The following WNT7A variants were observed in gnomAD, a reference collection of about 807,000 sequenced individuals.
WNT7A encodes the protein Wnt family member 7A.
A neutral mutation model predicts 28.2 loss-of-function variants in WNT7A; 16 were observed. That is an observed-to-expected ratio of 0.57 (90% CI 0.38 to 0.86). The LOEUF is 0.86. Ranked by LOEUF, WNT7A falls within the 40% of genes least tolerant of loss-of-function variation. WNT7A has a pLI of 0.00. For missense variants in WNT7A, 411 were observed against 489.7 expected (o/e 0.84, Z 1.52); for synonymous variants, 190 against 195.9 (o/e 0.97, Z 0.25).
chr3:13,871,102 C>A (rs561515371), intron 2 of WNT7A, among the ~76,000 whole-genome samples: 2 of 152,330 alleles, frequency 1.3e-5, no homozygotes, highest in South Asian at 4.2e-4. Flanking sequence ...GCTTCCCTTG[C>A]AGCTAGATGT....
chr3:13,875,746 T>C (rs1258833283), intron 1 of WNT7A, among the ~76,000 whole-genome samples: 1 of 152,208 alleles, frequency 6.6e-6, no homozygotes, highest in Non-Finnish European at 1.5e-5. Context: ...TAATTGTAAG[T>C]AGAAGTCCTG....
chr3:13,873,568 A>G (rs986384442), intron 2 of WNT7A, among the ~76,000 whole-genome samples: 3 of 152,186 alleles, frequency 2.0e-5, no homozygotes, highest in African/African-American at 7.2e-5. Flanking sequence ...AGGGATGGGT[A>G]AGGCTGTGCT....
At position 13,816,828 on chromosome 3, in the gene WNT7A, T is replaced by G. The variant is rs1694012107; in HGVS notation, c.*2116A>C. The G allele has an allele frequency of 6.6e-6, 1 of 152,148 alleles. No individual in the cohort carries two copies. Among genetic ancestry groups the G allele is most frequent in the Non-Finnish European group, 1.5e-5 (1 of 68,034 alleles). 9.4% of individuals were successfully genotyped at this position (152,148 alleles called of 1,614,324 possible). On this transcript the variant is annotated 3_prime_UTR_variant, in exon 4 of 4. Coordinates refer to ENST00000285018, the MANE Select transcript of WNT7A (RefSeq NM_004625.4). Reference sequence around the variant, plus strand: ...ATCCATTCACCCACCCACCTACTTATCCATCCACACATCTACCCATTCACC... The same window carrying G: ...ATCCATTCACCCACCCACCTACTTAGCCATCCACACATCTACCCATTCACC...
chr3:13,870,424 C>G (rs187183542), intron 2 of WNT7A, among the ~76,000 whole-genome samples: 56 of 152,290 alleles, frequency 3.7e-4, no homozygotes, highest in African/African-American at 1.3e-3. Context: ...GGATGGCAGA[C>G]GTCCAGCTTC....
chr3:13,862,471 A>C (rs1694846304), intron 2 of WNT7A, among the ~76,000 whole-genome samples: 1 of 152,248 alleles, frequency 6.6e-6, no homozygotes, highest in Non-Finnish European at 1.5e-5. Context: ...TGGGTCAGAG[A>C]GCAAGCAATC....
At position 13,846,971 on chromosome 3, in the gene WNT7A, G is replaced by A. The variant is rs537458170; in HGVS notation, c.570+7561C>T. On this transcript the variant is annotated intron_variant, in intron 3 of 3. Transcript: ENST00000285018. ...CAGGCTGCATGAAGCTGGGGTCACA[G>A]ACGTTTCCAGTCTCTGTGGGAAGGG... Among the ~76,000 whole-genome samples the A allele has an allele frequency of 1.6e-4, 24 of 152,310 alleles. No individual in the cohort carries two copies. The East Asian group carries it at 4.4e-3, about 28-fold the overall frequency.
At chr3:13,844,589 G>A (rs970591615) in intron 3 of WNT7A, among the ~76,000 whole-genome samples, 2 of 152,162 alleles carry the variant, frequency 1.3e-5, no homozygotes, top group African/African-American at 2.4e-5. Context: ...CCAATCAAAC[G>A]GAGTAACCCC....
intron 2 of WNT7A, among the ~76,000 whole-genome samples, chr3:13,856,930 A>G (rs527607046): frequency 2.9e-4 from 32 of 111,340 alleles, no homozygotes; most frequent in African/African-American, 1.1e-3. Context: ...GAAGAAGAAG[A>G]AGAAGAAGAA....
intron 3 of WNT7A, among the ~76,000 whole-genome samples, chr3:13,846,616 C>T (rs928310817): frequency 6.6e-6 from 1 of 152,164 alleles, no homozygotes; most frequent in Non-Finnish European, 1.5e-5. Flanking sequence ...TGAAAACCTT[C>T]CCTCCACCTG....
At chr3:13,875,663 GT>G (rs1195162503) in intron 1 of WNT7A, among the ~76,000 whole-genome samples, 4 of 152,120 alleles carry the variant, frequency 2.6e-5, no homozygotes, top group African/African-American at 9.6e-5. Context: ...AAAAAAATCT[GT>G]TTTTTAATGT....
intron 2 of WNT7A, among the ~76,000 whole-genome samples, chr3:13,868,739 G>GAAAGAA: frequency 2.3e-5 from 2 of 87,790 alleles, no homozygotes; most frequent in Non-Finnish European, 2.4e-5. Flanking sequence ...AAAGAAAGAA[G>GAAAGAA]AGAAAGAAAG....
chr3:13,870,859 A>G (rs1342125041), intron 2 of WNT7A, among the ~76,000 whole-genome samples: 1 of 152,212 alleles, frequency 6.6e-6, no homozygotes, highest in Non-Finnish European at 1.5e-5. Context: ...CTGGCTCTCC[A>G]GTTCCTTAGG....
rs1695034973 is a variant in WNT7A at position 13,872,086 on chromosome 3, C to T, written c.298+2861G>A. Among the ~76,000 whole-genome samples the T allele has an allele frequency of 2.0e-5, 3 of 152,178 alleles. No homozygotes were observed. The South Asian group carries it at 6.2e-4, about 32-fold the overall frequency. ...ACATGCCCATAGCTCACCTCCCTCA[C>T]AAATCCAGAGCCATTCCCTGGACAC... On this transcript the variant is annotated intron_variant, in intron 2 of 3. Coordinates refer to ENST00000285018, the MANE Select transcript of WNT7A (RefSeq NM_004625.4).
rs1467955996 is a variant in WNT7A at position 13,818,293 on chromosome 3, G to GA, written c.*650dup. On this transcript the variant is annotated 3_prime_UTR_variant, in exon 4 of 4. Transcript: ENST00000285018. ...GCAAAAGGATGGAAAACATACTCTGGAAAAAACGTCTCCAAATCTGGACCA... is the reference window on the plus strand; with the variant it reads ...GCAAAAGGATGGAAAACATACTCTGGAAAAAAACGTCTCCAAATCTGGACCA... The GA allele has an allele frequency of 1.5e-5, 2 of 133,648 alleles. No individual in the cohort carries two copies. Among genetic ancestry groups the GA allele is most frequent in the African/African-American group, 2.9e-5 (1 of 34,946 alleles). 8.3% of individuals were successfully genotyped at this position (133,648 alleles called of 1,614,324 possible). A position where few individuals can be genotyped will look rare whatever the true frequency, so the allele number is the denominator to read the frequency against.
intron 3 of WNT7A, among the ~76,000 whole-genome samples, chr3:13,824,889 C>G (rs1415705038): frequency 5.3e-5 from 8 of 152,174 alleles, no homozygotes; most frequent in Non-Finnish European, 8.8e-5. Flanking sequence ...GAAGATCCAC[C>G]AGTGGGGACT....
chr3:13,847,323 C>A (rs1343107819), intron 3 of WNT7A, among the ~76,000 whole-genome samples: 2 of 152,204 alleles, frequency 1.3e-5, no homozygotes, highest in Non-Finnish European at 2.9e-5. Context: ...AGCCTCTCAT[C>A]CAGCTCAGCT....
At chr3:13,819,889 G>A (rs750393439) in intron 3 of WNT7A, among the ~76,000 whole-genome samples, 6 of 152,190 alleles carry the variant, frequency 3.9e-5, no homozygotes, top group Admixed American at 3.9e-4. Context: ...GTGGACTGGA[G>A]TTGGGCCATG....
chr3:13,818,888 G>C lies in WNT7A; in HGVS notation c.*56C>G, dbSNP rs1575057112. On this transcript the variant is annotated 3_prime_UTR_variant, in exon 4 of 4. Transcript: ENST00000285018. ...GCCAGGGAGCCCGCAGCTTGGAAACGGTCCAGTCCTCCCAGCAATCTGACT... is the reference window on the plus strand; with the variant it reads ...GCCAGGGAGCCCGCAGCTTGGAAACCGTCCAGTCCTCCCAGCAATCTGACT... 1 of 1,522,476 alleles carries C rather than the reference G, an allele frequency of 6.6e-7. No homozygotes were observed. 94.3% of individuals were successfully genotyped at this position (1,522,476 alleles called of 1,614,324 possible). A position where few individuals can be genotyped will look rare whatever the true frequency, so the allele number is the denominator to read the frequency against.
rs554216525 is a variant in WNT7A, at chr3:13,879,947, C to G, written c.-131G>C. The G allele has an allele frequency of 1.4e-5, 9 of 626,166 alleles. No homozygotes were observed. Among genetic ancestry groups the G allele is most frequent in the East Asian group, 1.1e-4 (3 of 27,182 alleles). The allele number at this position is 626,166 out of a possible 1,614,324, so 38.8% of individuals were successfully genotyped here. ...TCCCCGGGGCCGTCTGTCGGTGCGCCCGTCCGCGCGCTCCGCGCCTGAGCC... is the reference window on the plus strand; with the variant it reads ...TCCCCGGGGCCGTCTGTCGGTGCGCGCGTCCGCGCGCTCCGCGCCTGAGCC... On this transcript the variant is annotated 5_prime_UTR_variant, in exon 1 of 4. Coordinates refer to ENST00000285018, the MANE Select transcript of WNT7A (RefSeq NM_004625.4).
Sources: gnomAD v4.1 joint callset for allele counts (sites outside exome capture counted in the v4.1 genomes callset) on GRCh38, gnomAD v4.1.1 for gene constraint, MANE v1.5 for transcripts, NCBI Gene and HGNC (gene_info 2026-07-23, HGNC 2026-07-21) for gene names.